Variants in OPCML observed in about 807,000 individuals in gnomAD.
The protein encoded by OPCML is opioid binding protein/cell adhesion molecule like.
OPCML carries 13 observed loss-of-function variants against 37.8 expected under a neutral mutation model. The observed-to-expected ratio is 0.34, with a 90% confidence interval of 0.22 to 0.55. The LOEUF (loss-of-function observed/expected upper bound fraction) is 0.55. Among genes scored for constraint, OPCML ranks in the 20% least tolerant of loss-of-function variants. The pLI is 0.91. For missense variants in OPCML, 341 were observed against 435.6 expected (o/e 0.78, Z 1.93); for synonymous variants, 176 against 168.8 (o/e 1.04, Z -0.33).
chr11:133,194,205 CTTT>C (rs34797390), intron 1 of OPCML, among the ~76,000 whole-genome samples: 1 of 106,940 alleles, frequency 9.4e-6, no homozygotes, highest in Non-Finnish European at 1.8e-5. Flanking sequence ...CCTTCCCCCA[CTTT>C]TTTTTTTTTT....
At chr11:132,742,483 C>T (rs1319244407) in intron 2 of OPCML, among the ~76,000 whole-genome samples, 1 of 152,092 alleles carries the variant, frequency 6.6e-6, no homozygotes, top group African/African-American at 2.4e-5. Context: ...GACACCAGAT[C>T]TGCTGGCACC....
At chr11:133,440,462 C>A (rs1946339254) in intron 1 of OPCML, among the ~76,000 whole-genome samples, 1 of 150,200 alleles carries the variant, frequency 6.7e-6, no homozygotes, top group Non-Finnish European at 1.5e-5. Flanking sequence ...TGTGGTGGCT[C>A]ACGCCTGTAA....
At chr11:133,424,906 C>CTA (rs1354868731) in intron 1 of OPCML, among the ~76,000 whole-genome samples, 1 of 152,176 alleles carries the variant, frequency 6.6e-6, no homozygotes, top group East Asian at 1.9e-4. Context: ...GGGGCTGAAA[C>CTA]TATCTACAGC....
chr11:133,485,927 T>C (rs1947516677), intron 1 of OPCML, among the ~76,000 whole-genome samples: 1 of 152,150 alleles, frequency 6.6e-6, no homozygotes, highest in Admixed American at 6.6e-5. Context: ...TTGTTGGTGA[T>C]TTCACTGTTT....
intron 1 of OPCML, among the ~76,000 whole-genome samples, chr11:133,355,814 G>A (rs1944275290): frequency 6.6e-6 from 1 of 152,132 alleles, no homozygotes; most frequent in African/African-American, 2.4e-5. Flanking sequence ...TCCAGAATAG[G>A]TCCCTAAAGG....
intron 2 of OPCML, among the ~76,000 whole-genome samples, chr11:132,688,771 G>A (rs1471212115): frequency 2.7e-5 from 1 of 36,438 alleles, no homozygotes; most frequent in Admixed American, 3.5e-4. Context: ...GTGAAACCCC[G>A]TCTCTACTAA....
At chr11:133,531,744 GGAGAGAGA>G (rs10567773) in intron 1 of OPCML, among the ~76,000 whole-genome samples, 87 of 137,252 alleles carry the variant, frequency 6.3e-4, no homozygotes, top group African/African-American at 2.3e-3. Context: ...AGGTGGAGAG[GGAGAGAGA>G]GAGAGAGAGA....
chr11:133,480,207 A>G (rs970943875), intron 1 of OPCML, among the ~76,000 whole-genome samples: 1 of 152,186 alleles, frequency 6.6e-6, no homozygotes, highest in African/African-American at 2.4e-5. Flanking sequence ...ATGCTTGCTC[A>G]TCCATTCACT....
At chr11:132,446,497 A>G (rs1038737998) in intron 4 of OPCML, among the ~76,000 whole-genome samples, 1 of 152,204 alleles carries the variant, frequency 6.6e-6, no homozygotes, top group African/African-American at 2.4e-5. Flanking sequence ...TCTAAAAAGT[A>G]TAAAAAATAA....
intron 1 of OPCML, among the ~76,000 whole-genome samples, chr11:133,393,110 C>G (rs1262327713): frequency 6.7e-6 from 1 of 150,224 alleles, no homozygotes; most frequent in East Asian, 2.0e-4. Context: ...AGATCTAAGT[C>G]CTCTCTAGTG....
chr11:132,526,346 T>C (rs2096308385), intron 4 of OPCML, among the ~76,000 whole-genome samples: 1 of 152,192 alleles, frequency 6.6e-6, no homozygotes, highest in Non-Finnish European at 1.5e-5. Context: ...AAATTATCTC[T>C]AACTTTAGGC....
chr11:133,020,353 A>G (rs549956417), intron 1 of OPCML, among the ~76,000 whole-genome samples: 33 of 152,156 alleles, frequency 2.2e-4, no homozygotes, highest in African/African-American at 7.5e-4. Context: ...CCTTTCACCC[A>G]CAGACACGCT....
chr11:132,709,666 A>AGTT (rs1431001681), intron 2 of OPCML, among the ~76,000 whole-genome samples: 1 of 152,136 alleles, frequency 6.6e-6, no homozygotes, highest in East Asian at 1.9e-4. Context: ...TCCACCGTAA[A>AGTT]GTTACAGTTT....
At chr11:132,629,239 C>T (rs894016661) in intron 3 of OPCML, among the ~76,000 whole-genome samples, 3 of 152,130 alleles carry the variant, frequency 2.0e-5, no homozygotes, top group Non-Finnish European at 4.4e-5. Context: ...ACTTCTTCCT[C>T]GTGACAGTCA....
chr11:133,470,457 T>C (rs953719228), intron 1 of OPCML, among the ~76,000 whole-genome samples: 2 of 152,276 alleles, frequency 1.3e-5, no homozygotes, highest in East Asian at 3.9e-4. Flanking sequence ...AGCTCCCCCA[T>C]CCCTGTGACA....
intron 1 of OPCML, among the ~76,000 whole-genome samples, chr11:133,113,662 C>T (rs1053693241): frequency 3.9e-5 from 6 of 152,124 alleles, no homozygotes; most frequent in African/African-American, 9.7e-5. Flanking sequence ...TTTCTGTTGT[C>T]GAAGGATAAG....
At chr11:132,546,307 TG>T (rs1202502117) in intron 3 of OPCML, among the ~76,000 whole-genome samples, 6 of 152,130 alleles carry the variant, frequency 3.9e-5, no homozygotes, top group Non-Finnish European at 5.9e-5. Context: ...CCATAGGTTT[TG>T]GGGGGGAACA....
intron 4 of OPCML, among the ~76,000 whole-genome samples, chr11:132,508,743 C>T (rs1456536450): frequency 6.6e-6 from 1 of 152,134 alleles, no homozygotes; most frequent in African/African-American, 2.4e-5. Context: ...AGTGCCTTTG[C>T]CTCCCACCAT....
rs1380899376 is a variant in OPCML at position 133,173,965 on chromosome 11, C to CA, written c.62-230956dup. Among the ~76,000 whole-genome samples the CA allele has an allele frequency of 2.2e-4, 34 of 152,322 alleles. No individual in the cohort carries two copies. The highest frequency in any genetic ancestry group is 3.4e-3 in the Middle Eastern group (1 of 294). On this transcript the variant is annotated intron_variant, in intron 1 of 7. Transcript: ENST00000524381. This position sits in a 1 kb window ranked among gnomAD's most constrained non-coding sequence, Gnocchi z 7.8. ...CATCCATTCTACAAGGATCCCCAGT[C>CA]AGCCAATGCACCGGGACGCTGACAT...
Sources: allele counts gnomAD v4.1 joint callset (sites outside exome capture counted in the v4.1 genomes callset), GRCh38; gene constraint gnomAD v4.1.1; non-coding constraint Gnocchi (gnomAD v3.1); transcripts MANE v1.5; gene names NCBI Gene and HGNC (gene_info 2026-07-23, HGNC 2026-07-21).